Variants in SLC24A2 observed in about 807,000 individuals in gnomAD.
SLC24A2 encodes solute carrier family 24 member 2.
SLC24A2 carries 36 observed loss-of-function variants against 62.0 expected under a neutral mutation model. The observed-to-expected ratio is 0.58, with a 90% CI of 0.44 to 0.77. SLC24A2 has a LOEUF of 0.77. Ranked by LOEUF, SLC24A2 falls within the 30% of genes least tolerant of loss-of-function variation. The probability of loss-of-function intolerance (pLI) is 0.00; values close to 1 mark genes in which losing one functional copy is unlikely to be tolerated. For missense variants in SLC24A2, 846 were observed against 817.9 expected (o/e 1.03, Z -0.42); for synonymous variants, 358 against 294.0 (o/e 1.22, Z -2.23).
At chr9:19,859,411 G>A in the SLC24A2 span, among the ~76,000 whole-genome samples, 4 of 152,188 alleles carry the variant, frequency 2.6e-5, no homozygotes, top group East Asian at 7.7e-4. Flanking sequence ...CTTATTACCT[G>A]GGGGACAAAA....
the SLC24A2 span, among the ~76,000 whole-genome samples, chr9:20,267,990 T>C: frequency 1.3e-5 from 2 of 152,108 alleles, no homozygotes; most frequent in African/African-American, 4.8e-5. Context: ...CTACTTTTCT[T>C]CCTCCACCGT....
chr9:20,075,993 A>C, the SLC24A2 span, among the ~76,000 whole-genome samples: 1 of 152,218 alleles, frequency 6.6e-6, no homozygotes, highest in Non-Finnish European at 1.5e-5. Flanking sequence ...TATAATAGCT[A>C]ATACAATGCA....
chr9:20,161,989 C>A, the SLC24A2 span, among the ~76,000 whole-genome samples: 1 of 151,712 alleles, frequency 6.6e-6, no homozygotes, highest in African/African-American at 2.4e-5. Flanking sequence ...AAATAAAACT[C>A]TGTCTATATG....
the SLC24A2 span, among the ~76,000 whole-genome samples, chr9:20,071,443 T>C: frequency 2.6e-5 from 4 of 152,176 alleles, no homozygotes; most frequent in Non-Finnish European, 5.9e-5. Context: ...TGGTGAGACT[T>C]TGAGCTCGGG....
At chr9:20,223,326 G>A in the SLC24A2 span, among the ~76,000 whole-genome samples, 1 of 152,074 alleles carries the variant, frequency 6.6e-6, no homozygotes, top group Non-Finnish European at 1.5e-5. Context: ...TTTTCAAATT[G>A]ATATATAAAT....
the SLC24A2 span, among the ~76,000 whole-genome samples, chr9:20,229,140 C>A: frequency 6.6e-6 from 1 of 152,262 alleles, no homozygotes; most frequent in African/African-American, 2.4e-5. Flanking sequence ...TTTTTCCATT[C>A]ATCACAGCTC....
chr9:19,925,549 G>A, the SLC24A2 span, among the ~76,000 whole-genome samples: 2 of 152,120 alleles, frequency 1.3e-5, no homozygotes, highest in Non-Finnish European at 2.9e-5. Flanking sequence ...GCCAACACCT[G>A]TACCAAGATT....
At chr9:19,625,275 G>A (rs945934242) in intron 2 of SLC24A2, among the ~76,000 whole-genome samples, 6 of 152,008 alleles carry the variant, frequency 3.9e-5, no homozygotes, top group Admixed American at 6.6e-5. Flanking sequence ...GCATGCTATG[G>A]ATTGGCTTAA....
chr9:19,514,317 A>C lies in SLC24A2; in HGVS notation c.*1836T>G, dbSNP rs1303621676. 6.6e-6 allele frequency: 1 copy of C among 152,170 alleles called. No individual in the cohort carries two copies. The highest frequency in any genetic ancestry group is 1.5e-5 in the Non-Finnish European group (1 of 68,038). The allele number at this position is 152,170 out of a possible 1,614,324, so 9.4% of individuals were successfully genotyped here. On this transcript the variant is annotated 3_prime_UTR_variant, in exon 11 of 11. Transcript: ENST00000341998. ...TCACAACAAAATCATAGCAGGCGTCAATGACAGAATAGATTGGAGATAGGA... is the reference window on the plus strand; with the variant it reads ...TCACAACAAAATCATAGCAGGCGTCCATGACAGAATAGATTGGAGATAGGA...
chr9:19,686,645 C>T (rs1819889663), intron 2 of SLC24A2, among the ~76,000 whole-genome samples: 1 of 152,062 alleles, frequency 6.6e-6, no homozygotes, highest in African/African-American at 2.4e-5. Flanking sequence ...TCCCTTTGCT[C>T]AGCACTTCTC....
chr9:19,854,109 G>T, the SLC24A2 span, among the ~76,000 whole-genome samples: 461 of 152,246 alleles, frequency 3.0e-3, 1 homozygote, highest in African/African-American at 0.011. Context: ...AGTATTCTCT[G>T]ATGGTTGGTT....
At chr9:20,034,839 G>C in the SLC24A2 span, among the ~76,000 whole-genome samples, 1 of 152,140 alleles carries the variant, frequency 6.6e-6, no homozygotes, top group African/African-American at 2.4e-5. Flanking sequence ...AATTGTTGGT[G>C]AATGTTCAAT....
At chr9:19,573,919 C>G (rs1465542451) in intron 6 of SLC24A2, among the ~76,000 whole-genome samples, 1 of 152,152 alleles carries the variant, frequency 6.6e-6, no homozygotes, top group African/African-American at 2.4e-5. Context: ...TGGACTGTAC[C>G]CTTCAGATAT....
At chr9:20,189,811 G>T in the SLC24A2 span, among the ~76,000 whole-genome samples, 1 of 131,966 alleles carries the variant, frequency 7.6e-6, no homozygotes, top group Admixed American at 8.2e-5. Flanking sequence ...CCCCCTGGAA[G>T]AGGTTTCTCC....
chr9:19,990,892 T>C, the SLC24A2 span, among the ~76,000 whole-genome samples: 236 of 124,428 alleles, frequency 1.9e-3, 1 homozygote, highest in South Asian at 0.016. Context: ...CGTGCTGTAT[T>C]AGGGTTCTCT....
chr9:19,744,311 A>G (rs1464440259), intron 2 of SLC24A2, among the ~76,000 whole-genome samples: 1 of 151,942 alleles, frequency 6.6e-6, no homozygotes, highest in Non-Finnish European at 1.5e-5. Context: ...TCTTCAAGCC[A>G]CCTCTCGCAC....
At chr9:20,183,158 G>A in the SLC24A2 span, among the ~76,000 whole-genome samples, 1,458 of 152,220 alleles carry the variant, frequency 9.6e-3, 25 homozygotes, top group African/African-American at 0.033. Context: ...CTATCTTCAC[G>A]GGAGCATTTA....
chr9:19,548,085 C>G (rs141727924), intron 8 of SLC24A2, among the ~76,000 whole-genome samples: 1 of 151,552 alleles, frequency 6.6e-6, no homozygotes, highest in Non-Finnish European at 1.5e-5. Flanking sequence ...TACAAGGAGT[C>G]CTTTCTTGTT....
the SLC24A2 span, among the ~76,000 whole-genome samples, chr9:19,990,922 G>GATATATATATGTGTGTATATAT: frequency 4.0e-4 from 48 of 120,806 alleles, no homozygotes; most frequent in South Asian, 9.8e-4. Flanking sequence ...GGACTAATAG[G>GATATATATATGTGTGTATATAT]ATATATATAT....
Sources: allele counts gnomAD v4.1 joint callset (sites outside exome capture counted in the v4.1 genomes callset), GRCh38; gene constraint gnomAD v4.1.1; transcripts MANE v1.5; gene names NCBI Gene and HGNC (gene_info 2026-07-23, HGNC 2026-07-21).